ARHGAP29: variants seen among roughly 807,000 people sequenced by gnomAD.
ARHGAP29 encodes Rho GTPase activating protein 29.
ARHGAP29 carries 43 observed loss-of-function variants against 122.6 expected under a neutral mutation model. The observed-to-expected ratio is 0.35, with a 90% CI of 0.27 to 0.45. The LOEUF (loss-of-function observed/expected upper bound fraction) is 0.45, where lower values mean the gene tolerates loss of function less well. Ranked by LOEUF, ARHGAP29 falls within the 20% of genes least tolerant of loss-of-function variation. ARHGAP29 has a pLI of 1.00. For missense variants in ARHGAP29, 1,303 were observed against 1,477.2 expected (o/e 0.88, Z 1.93); for synonymous variants, 506 against 497.1 (o/e 1.02, Z -0.24).
chr1:94,198,580 G>GC (rs1380162485), intron 12 of ARHGAP29, among the ~76,000 whole-genome samples: 1 of 151,954 alleles, frequency 6.6e-6, no homozygotes, highest in Non-Finnish European at 1.5e-5. Context: ...ATTCACAATA[G>GC]CCCCCCCAAA....
chr1:94,200,390 A>G (rs1235984572), intron 12 of ARHGAP29, among the ~76,000 whole-genome samples: 1 of 152,230 alleles, frequency 6.6e-6, no homozygotes, highest in Non-Finnish European at 1.5e-5. Flanking sequence ...TTTAAAAACA[A>G]CGACTGATAC....
At chr1:94,181,685 G>GT (rs1311952195) in intron 19 of ARHGAP29, among the ~76,000 whole-genome samples, 1 of 152,094 alleles carries the variant, frequency 6.6e-6, no homozygotes, top group East Asian at 1.9e-4. Flanking sequence ...AAGAGATTCA[G>GT]TTTTCAACTC....
intron 1 of ARHGAP29, among the ~76,000 whole-genome samples, chr1:94,236,926 A>ACGGATTC (rs1279900996): frequency 1.3e-5 from 2 of 152,170 alleles, no homozygotes; most frequent in Non-Finnish European, 2.9e-5. Context: ...GATCAGGAGC[A>ACGGATTC]CGGATTCCGG....
At chr1:94,197,091 GATA>G (rs1338653537) in intron 12 of ARHGAP29, among the ~76,000 whole-genome samples, 4 of 151,816 alleles carry the variant, frequency 2.6e-5, no homozygotes, top group Admixed American at 6.6e-5. Context: ...TTTTTAAAAA[GATA>G]ATAAGACTTA....
chr1:94,298,339 CTAAG>C, the ARHGAP29 span, among the ~76,000 whole-genome samples: 1 of 152,158 alleles, frequency 6.6e-6, no homozygotes, highest in African/African-American at 2.4e-5. Flanking sequence ...TATAGCTGTA[CTAAG>C]TGTTTACGGT....
intron 1 of ARHGAP29, among the ~76,000 whole-genome samples, chr1:94,273,570 G>T (rs1358543369): frequency 6.6e-6 from 1 of 152,124 alleles, no homozygotes; most frequent in Non-Finnish European, 1.5e-5. Flanking sequence ...GGTTTCAGAG[G>T]CAATTGAAAT....
chr1:94,294,145 A>T, the ARHGAP29 span, among the ~76,000 whole-genome samples: 1 of 152,294 alleles, frequency 6.6e-6, no homozygotes, highest in South Asian at 2.1e-4. Context: ...TCAATAAAGG[A>T]GAAGGATTTG....
chr1:94,209,972 T>A (rs1453165469), intron 3 of ARHGAP29, among the ~76,000 whole-genome samples: 1 of 152,248 alleles, frequency 6.6e-6, no homozygotes, highest in Non-Finnish European at 1.5e-5. Context: ...TTAATTGACA[T>A]ACAGCTAGCT....
intron 1 of ARHGAP29, among the ~76,000 whole-genome samples, chr1:94,270,564 G>C (rs1421109759): frequency 6.6e-6 from 1 of 152,130 alleles, no homozygotes; most frequent in Non-Finnish European, 1.5e-5. Context: ...GCACCAGAGG[G>C]CCAAGTAAAT....
At position 94,174,623 on chromosome 1, in the gene ARHGAP29, G is replaced by A; in HGVS notation, c.3032C>T (p.Pro1011Leu). The A allele has an allele frequency of 6.2e-7, 1 of 1,614,062 alleles. No homozygotes were observed. The highest frequency in any genetic ancestry group is 8.5e-7 in the Non-Finnish European group (1 of 1,180,030). Residue 1011 changes from proline to leucine, a missense_variant, in exon 23 of 23, where the codon CCA becomes CTA. By Grantham distance (98) the Pro-to-Leu change is moderately conservative. Around this residue, in one of 3 missense-constraint regions of ARHGAP29, gnomAD observed 620 missense variants for 651.2 expected, o/e 0.95. Coordinates refer to ENST00000260526, the MANE Select transcript of ARHGAP29 (RefSeq NM_004815.4). ...ACTTACAGGTCTAATCTTGGTCCTT[G>A]GAGTATGCCTCTCCACATTGTTTGT... ...RSTNNVERHT[P>L]RTKIRPVSLP... is the part of the protein sequence containing the mutation.
the ARHGAP29 span, among the ~76,000 whole-genome samples, chr1:94,282,708 G>A: frequency 6.6e-6 from 1 of 152,270 alleles, no homozygotes; most frequent in African/African-American, 2.4e-5. Context: ...TCTGCCTAGA[G>A]GTCCATGGCC....
upstream of ARHGAP29, among the ~76,000 whole-genome samples, chr1:94,276,809 A>AG (rs1655208259): frequency 7.4e-6 from 1 of 135,092 alleles, no homozygotes; most frequent in Admixed American, 7.5e-5. Flanking sequence ...AAAAAAAAAA[A>AG]GGACTGTGTC....
At chr1:94,178,583 C>G (rs1649258376) in intron 20 of ARHGAP29, among the ~76,000 whole-genome samples, 1 of 152,212 alleles carries the variant, frequency 6.6e-6, no homozygotes, top group South Asian at 2.1e-4. Flanking sequence ...TCCCACTCCT[C>G]TGGCCTCACT....
At chr1:94,312,353 TTG>T in the ARHGAP29 span, among the ~76,000 whole-genome samples, 2 of 147,026 alleles carry the variant, frequency 1.4e-5, no homozygotes, top group African/African-American at 5.1e-5. Context: ...TCATTTTTAT[TTG>T]TTTTTTTTTT....
rs1410115261 is a variant in ARHGAP29 at position 94,205,212 on chromosome 1, T to C, written c.560-14A>G. On this transcript the variant is annotated splice_polypyrimidine_tract_variant and intron_variant, in intron 6 of 22. Transcript: ENST00000260526. ...GGGAAAAATTTCCTGAAAACAAAAA[T>C]ATCAAGGTAAGTATATGTTAAATGT... is the stretch of plus-strand genomic sequence containing the variant. 6.4e-7 allele frequency: 1 copy of C among 1,568,818 alleles called. No homozygotes were observed. The highest frequency in any genetic ancestry group is 2.3e-5 in the East Asian group (1 of 43,260).
intron 2 of ARHGAP29, among the ~76,000 whole-genome samples, chr1:94,226,657 C>CA (rs1652630270): frequency 6.6e-6 from 1 of 151,116 alleles, no homozygotes; most frequent in South Asian, 2.1e-4. Flanking sequence ...TGATATAAAC[C>CA]ATTCTAGGCA....
intron 14 of ARHGAP29, 117 bp from the exon 15 acceptor site, chr1:94,189,058 G>A (rs1323704857): frequency 9.8e-6 from 13 of 1,331,396 alleles, no homozygotes; most frequent in Middle Eastern, 1.9e-4. Context: ...AGTTATCAAC[G>A]TTAAGACAGG....
intron 2 of ARHGAP29, among the ~76,000 whole-genome samples, chr1:94,229,307 G>A (rs1230199810): frequency 6.6e-6 from 1 of 151,746 alleles, no homozygotes; most frequent in African/African-American, 2.4e-5. Flanking sequence ...CATCTCATGA[G>A]ATCTTTGTAA....
chr1:94,209,455 G>A (rs1651441460), intron 3 of ARHGAP29, 105 bp from the exon 4 acceptor site: 1 of 608,866 alleles, frequency 1.6e-6, no homozygotes, highest in South Asian at 2.8e-5. Flanking sequence ...AGAAGCATTA[G>A]AAGATTCAGA....
Sources: allele counts gnomAD v4.1 joint callset (sites outside exome capture counted in the v4.1 genomes callset), GRCh38; gene constraint gnomAD v4.1.1; regional missense constraint gnomAD v4.1.1; transcripts MANE v1.5; gene names NCBI Gene and HGNC (gene_info 2026-07-23, HGNC 2026-07-21).